ANKRD6: variants seen among roughly 807,000 people sequenced by gnomAD.
The protein encoded by ANKRD6 is ankyrin repeat domain 6.
Under a neutral mutation model 82.3 loss-of-function variants are expected in ANKRD6, and 56 were observed. The observed-to-expected ratio is 0.68, with a 90% CI of 0.55 to 0.85. ANKRD6 has a LOEUF of 0.85. Among genes scored for constraint, ANKRD6 ranks in the 40% least tolerant of loss-of-function variants. The pLI is 0.00. For missense variants in ANKRD6, 852 were observed against 907.6 expected, an observed-to-expected ratio of 0.94 and a Z score of 0.79; for synonymous variants, 347 against 352.1, an observed-to-expected ratio of 0.99 and a Z score of 0.16.
At chr6:89,471,932 T>C (rs1582786800) in intron 1 of ANKRD6, among the ~76,000 whole-genome samples, 2 of 76,916 alleles carry the variant, frequency 2.6e-5, no homozygotes, top group African/African-American at 5.3e-5. Flanking sequence ...AGAGCGAAAC[T>C]CCATCTCAAA....
intron 9 of ANKRD6, 142 bp from the exon 10 acceptor site, chr6:89,621,780 A>G: frequency 1.3e-6 from 1 of 764,440 alleles, no homozygotes. Context: ...GGTGGTCCAG[A>G]GGTGCTTGCT....
At chr6:89,614,855 A>C (rs989704730) in intron 7 of ANKRD6, among the ~76,000 whole-genome samples, 27 of 151,386 alleles carry the variant, frequency 1.8e-4, no homozygotes, top group Admixed American at 1.3e-4. Context: ...AAAAAAACAA[A>C]AAAAAAAACC....
rs182827038 is a variant in ANKRD6 at position 89,585,970 on chromosome 6, A to G, written c.121-9946A>G. Among the ~76,000 whole-genome samples, 100 of 152,358 alleles carry G rather than the reference A, an allele frequency of 6.6e-4. No homozygotes were observed. In the Middle Eastern group the frequency reaches 0.014, roughly 21 times the overall value. On this transcript the variant is annotated intron_variant, in intron 2 of 15. Coordinates refer to ENST00000339746, the MANE Select transcript of ANKRD6 (RefSeq NM_001242809.2). The stretch of plus-strand genomic sequence containing the variant: ...CTGTTTTATATTTTATCAACAAGAA[A>G]AAATCCAATGTTTAAATTATTGTAA...
chr6:89,552,330 G>A (rs1173353058), intron 1 of ANKRD6, among the ~76,000 whole-genome samples: 1 of 152,214 alleles, frequency 6.6e-6, no homozygotes, highest in Non-Finnish European at 1.5e-5. Context: ...TAATCATCAT[G>A]TATGATGACA....
At chr6:89,461,234 G>C (rs965650845) in intron 1 of ANKRD6, among the ~76,000 whole-genome samples, 19 of 152,138 alleles carry the variant, frequency 1.2e-4, no homozygotes, top group Non-Finnish European at 7.4e-5. Context: ...GAATTCAAAG[G>C]AGAGTTTTGT....
intron 1 of ANKRD6, among the ~76,000 whole-genome samples, chr6:89,542,230 G>A (rs747793079): frequency 4.8e-4 from 73 of 152,120 alleles, no homozygotes; most frequent in Non-Finnish European, 2.8e-4. Flanking sequence ...TGAAAGCTTC[G>A]TCAGAGTTGG....
At chr6:89,511,562 A>T (rs772115992) in intron 1 of ANKRD6, among the ~76,000 whole-genome samples, 1 of 152,236 alleles carries the variant, frequency 6.6e-6, no homozygotes, top group Non-Finnish European at 1.5e-5. Context: ...GTGAGTTACT[A>T]AACCTTTTTG....
chr6:89,629,092 GGTTT>G lies in ANKRD6; in HGVS notation c.1486-15_1486-12del, dbSNP rs1467416509. On this transcript the variant is annotated splice_polypyrimidine_tract_variant and intron_variant, in intron 14 of 15. Coordinates refer to ENST00000339746, the MANE Select transcript of ANKRD6 (RefSeq NM_001242809.2). ...GATTCTTCTATGTACTTATTTGTGG[GGTTT>G]GTTTTTTTTTTTAAGATATCCTTGG... The G allele has an allele frequency of 1.2e-5, 19 of 1,593,406 alleles. No individual in the cohort carries two copies. Among genetic ancestry groups the G allele is most frequent in the Non-Finnish European group, 1.6e-5 (19 of 1,170,008 alleles).
At chr6:89,488,926 G>T (rs1582879653) in intron 1 of ANKRD6, among the ~76,000 whole-genome samples, 2 of 94,310 alleles carry the variant, frequency 2.1e-5, no homozygotes, top group Non-Finnish European at 2.3e-5. Flanking sequence ...TTCTATTCTA[G>T]TTCATTCTTT....
chr6:89,524,148 T>C (rs1161787499), intron 1 of ANKRD6, among the ~76,000 whole-genome samples: 2 of 152,122 alleles, frequency 1.3e-5, no homozygotes, highest in Non-Finnish European at 2.9e-5. Flanking sequence ...TTCCTCTTGA[T>C]AATTTTCTTT....
intron 1 of ANKRD6, among the ~76,000 whole-genome samples, chr6:89,524,957 A>C (rs888908376): frequency 6.6e-6 from 1 of 151,556 alleles, no homozygotes; most frequent in Non-Finnish European, 1.5e-5. Flanking sequence ...TATGGTTTTA[A>C]TTTGCATTTC....
intron 1 of ANKRD6, among the ~76,000 whole-genome samples, chr6:89,526,560 G>A (rs796348412): frequency 3.3e-5 from 5 of 152,270 alleles, no homozygotes; most frequent in African/African-American, 1.2e-4. Flanking sequence ...AGAAACATAT[G>A]CCCTGTTTAC....
chr6:89,568,806 C>T (rs1294014691), intron 2 of ANKRD6, among the ~76,000 whole-genome samples: 1 of 152,102 alleles, frequency 6.6e-6, no homozygotes, highest in Non-Finnish European at 1.5e-5. Context: ...ACCCTGAACT[C>T]ACGCATCCCG....
At chr6:89,504,338 A>T (rs762646696) in intron 1 of ANKRD6, among the ~76,000 whole-genome samples, 1 of 152,110 alleles carries the variant, frequency 6.6e-6, no homozygotes, top group East Asian at 1.9e-4. Context: ...TAGGTTCTCC[A>T]TAGAGGGTAG....
In ANKRD6 at chr6:89,516,593, A is replaced by G. The variant is rs1368036602; in HGVS notation, c.-143-50241A>G. Reference sequence around the variant, plus strand: ...GGGTTCAAGCGATTCTCCTGCTTCAACCTCCTGCAAGTATCTGGGTTTACA... The same window carrying G: ...GGGTTCAAGCGATTCTCCTGCTTCAGCCTCCTGCAAGTATCTGGGTTTACA... On this transcript the variant is annotated intron_variant, in intron 1 of 15. Coordinates refer to ENST00000339746, the MANE Select transcript of ANKRD6 (RefSeq NM_001242809.2). Among the ~76,000 whole-genome samples the G allele has an allele frequency of 2.6e-5, 4 of 151,614 alleles. No homozygotes were observed. In the South Asian group the frequency reaches 6.3e-4, roughly 24 times the overall value.
intron 3 of ANKRD6, 32 bp from the exon 4 acceptor site, chr6:89,602,997 A>T (rs965364160): frequency 2.8e-5 from 44 of 1,554,996 alleles, no homozygotes; most frequent in Non-Finnish European, 3.8e-5. Flanking sequence ...AGGGGAGCTG[A>T]CTGCTGTTCC....
chr6:89,579,335 C>T (rs187961886), intron 2 of ANKRD6, among the ~76,000 whole-genome samples: 164 of 152,254 alleles, frequency 1.1e-3, no homozygotes, highest in Non-Finnish European at 1.8e-3. Flanking sequence ...ATATAGTAGG[C>T]ACTGAGGGGA....
At chr6:89,541,776 C>G (rs1378546611) in intron 1 of ANKRD6, among the ~76,000 whole-genome samples, 1 of 151,126 alleles carries the variant, frequency 6.6e-6, no homozygotes, top group Non-Finnish European at 1.5e-5. Context: ...TTTGTCAGTT[C>G]CTATATATAG....
intron 1 of ANKRD6, among the ~76,000 whole-genome samples, chr6:89,442,054 T>C (rs1771465532): frequency 6.6e-6 from 1 of 152,102 alleles, no homozygotes. Flanking sequence ...GCTGGAGCAG[T>C]GGCATGATCT....
Sources: allele counts gnomAD v4.1 joint callset (sites outside exome capture counted in the v4.1 genomes callset), GRCh38; gene constraint gnomAD v4.1.1; transcripts MANE v1.5; gene names NCBI Gene and HGNC (gene_info 2026-07-23, HGNC 2026-07-21).